Variants in RBMS3 observed in about 807,000 individuals in gnomAD.
RBMS3 encodes the protein RNA-binding motif, single-stranded-interacting protein 3.
In RBMS3, 27 loss-of-function variants were observed where a neutral mutation model predicts 66.8. The observed-to-expected ratio is 0.40, with a 90% CI of 0.30 to 0.56. The LOEUF is 0.56. Among genes scored for constraint, RBMS3 ranks in the 20% least tolerant of loss-of-function variants. The pLI, the probability that RBMS3 is intolerant of heterozygous loss-of-function variation, is 0.40. For missense variants in RBMS3, 513 were observed against 549.5 expected, an observed-to-expected ratio of 0.93 and a Z score of 0.66; for synonymous variants, 188 against 183.0, an observed-to-expected ratio of 1.03 and a Z score of -0.22.
chr3:29,368,480 G>A (rs1455833344), intron 1 of RBMS3, among the ~76,000 whole-genome samples: 1 of 151,564 alleles, frequency 6.6e-6, no homozygotes, highest in East Asian at 1.9e-4. Flanking sequence ...AATATTTGTT[G>A]AATGAATTCC....
chr3:29,875,537 A>G (rs1255107936), intron 7 of RBMS3, among the ~76,000 whole-genome samples: 1 of 151,982 alleles, frequency 6.6e-6, no homozygotes, highest in Non-Finnish European at 1.5e-5. Context: ...TTTAAATCCC[A>G]ATTTCACAGA....
chr3:29,659,332 G>T (rs1235641373), intron 4 of RBMS3, among the ~76,000 whole-genome samples: 1 of 151,872 alleles, frequency 6.6e-6, no homozygotes. Context: ...TATATCTAGA[G>T]CCCTTTTCGT....
In RBMS3 at chr3:29,423,091, T is replaced by C. The variant is rs138458545; in HGVS notation, c.76-11652T>C. Among the ~76,000 whole-genome samples the C allele has an allele frequency of 5.7e-3, 875 of 152,258 alleles. 2 individuals are homozygous for C. Among genetic ancestry groups the C allele is most frequent in the Non-Finnish European group, 8.7e-3 (595 of 68,018 alleles). ...TGCCTTGGTCCTGTTTGGACAGAAATAAAATTGGTAGCATGTGTGTTACAT... is the reference window on the plus strand; with the variant it reads ...TGCCTTGGTCCTGTTTGGACAGAAACAAAATTGGTAGCATGTGTGTTACAT... On this transcript the variant is annotated intron_variant, in intron 1 of 14. Transcript: ENST00000383767.
intron 13 of RBMS3, among the ~76,000 whole-genome samples, chr3:29,990,659 T>C (rs1698800002): frequency 6.6e-6 from 1 of 152,146 alleles, no homozygotes; most frequent in South Asian, 2.1e-4. Context: ...TGATGTATAT[T>C]TTTATTAAGG....
intron 1 of RBMS3, among the ~76,000 whole-genome samples, chr3:29,330,207 C>G (rs1479202306): frequency 6.6e-6 from 1 of 152,088 alleles, no homozygotes; most frequent in East Asian, 1.9e-4. Context: ...GAATATACCA[C>G]TGTGTGGGAT....
rs184120726 is a variant in RBMS3 at position 29,312,457 on chromosome 3, C to T, written c.75+30701C>T. Among the ~76,000 whole-genome samples the T allele has an allele frequency of 2.0e-5, 3 of 151,790 alleles. No individual in the cohort carries two copies. In the East Asian group the frequency reaches 5.8e-4, roughly 30 times the overall value. ...GGGAAGGCAAATTCATAATTCAGAA[C>T]TTGAGTTTACTGTCTTTTATAAATT... On this transcript the variant is annotated intron_variant, in intron 1 of 14. Coordinates refer to ENST00000383767, the MANE Select transcript of RBMS3 (RefSeq NM_001003793.3).
Position 29,346,396 on chromosome 3 carries a change from C to CTTTTT in RBMS3, c.75+64661_75+64665dup, listed in dbSNP as rs34803214. ...TGAATCCTAGTAAAGGCAATTCATT[C>CTTTTT]TTTTTTTTTTTTTTTTTTTTTTTTT... is the stretch of plus-strand genomic sequence containing the variant. On this transcript the variant is annotated intron_variant, in intron 1 of 14. Transcript: ENST00000383767. Among the ~76,000 whole-genome samples, 547 of 60,002 alleles carry CTTTTT rather than the reference C, an allele frequency of 9.1e-3. 6 individuals are homozygous for CTTTTT. Among genetic ancestry groups the CTTTTT allele is most frequent in the Non-Finnish European group, 9.9e-3 (338 of 34,002 alleles). The allele number at this position is 60,002 out of a possible 152,430, so 39.4% of individuals were successfully genotyped here.
chr3:29,519,692 A>G lies in RBMS3; in HGVS notation c.307+31193A>G, dbSNP rs1057324964. 2.0e-5 allele frequency among the ~76,000 whole-genome samples: 3 copies of G among 152,294 alleles called. No homozygotes were observed. The East Asian group carries it at 5.8e-4, about 29-fold the overall frequency. ...TCCTGTCAACTAGACCAATTAGGAT[A>G]ACATTAAGGGATAGATTTTACTATG... On this transcript the variant is annotated intron_variant, in intron 3 of 14. Coordinates refer to ENST00000383767, the MANE Select transcript of RBMS3 (RefSeq NM_001003793.3).
intron 1 of RBMS3, among the ~76,000 whole-genome samples, chr3:29,360,127 C>A (rs938336209): frequency 1.6e-4 from 24 of 151,944 alleles, no homozygotes; most frequent in Non-Finnish European, 2.8e-4. Context: ...TAGTTCTTTT[C>A]ATTGTGATGT....
In RBMS3 at chr3:29,948,512, C is replaced by T. The variant is rs540971222; in HGVS notation, c.1098+4258C>T. 2.0e-5 allele frequency among the ~76,000 whole-genome samples: 3 copies of T among 151,856 alleles called. No homozygotes were observed. The South Asian group carries it at 6.2e-4, about 31-fold the overall frequency. On this transcript the variant is annotated intron_variant, in intron 12 of 14. Transcript: ENST00000383767. ...GGAGAACAAGACCATCTTTCAAGCT[C>T]TAAGCAACATTTGTTTTCATAGATA... is the stretch of plus-strand genomic sequence containing the variant.
In RBMS3 at chr3:29,595,254, C is replaced by T. The variant is rs1158031053; in HGVS notation, c.399+8049C>T. On this transcript the variant is annotated intron_variant, in intron 4 of 14. Coordinates refer to ENST00000383767, the MANE Select transcript of RBMS3 (RefSeq NM_001003793.3). ...TCTACTAAAAATACAAAAAAATTAG[C>T]TGGGCGTGGTGGTGGGGACCTGTAA... Among the ~76,000 whole-genome samples the T allele has an allele frequency of 3.3e-5, 5 of 151,926 alleles. No homozygotes were observed. In the East Asian group the frequency reaches 9.7e-4, roughly 29 times the overall value.
chr3:29,289,207 T>C (rs767228632), intron 1 of RBMS3, among the ~76,000 whole-genome samples: 1 of 151,906 alleles, frequency 6.6e-6, no homozygotes, highest in Non-Finnish European at 1.5e-5. Flanking sequence ...CAATATATTA[T>C]AGTGGCCTCT....
At chr3:29,692,676 C>G (rs2052083625) in intron 4 of RBMS3, among the ~76,000 whole-genome samples, 1 of 152,148 alleles carries the variant, frequency 6.6e-6, no homozygotes. Context: ...CCTCATGATC[C>G]ATAGCGATTG....
At position 29,928,180 on chromosome 3, in the gene RBMS3, T is replaced by TTATGTATATATA. The variant is rs59335121; in HGVS notation, c.940-7903_940-7902insGTATATATATAT. On this transcript the variant is annotated intron_variant, in intron 10 of 14. Coordinates refer to ENST00000383767, the MANE Select transcript of RBMS3 (RefSeq NM_001003793.3). ...AAACTGGTCTGCTCCTCTTCAAATT[T>TTATGTATATATA]TATATATATATATATATATATATAT... Among the ~76,000 whole-genome samples, 172 of 102,540 alleles carry TTATGTATATATA rather than the reference T, an allele frequency of 1.7e-3. 2 individuals carry two copies. The highest frequency in any genetic ancestry group is 6.3e-3 in the African/African-American group (155 of 24,594). 67.3% of individuals were successfully genotyped at this position (102,540 alleles called of 152,430 possible). A position where few individuals can be genotyped will look rare whatever the true frequency, so the allele number is the denominator to read the frequency against.
intron 4 of RBMS3, among the ~76,000 whole-genome samples, chr3:29,702,867 C>T (rs780862738): frequency 2.6e-5 from 4 of 152,162 alleles, no homozygotes; most frequent in African/African-American, 4.8e-5. Flanking sequence ...TAACACTCAC[C>T]GCGAGGGTCC....
At chr3:29,540,100 T>G (rs2045703407) in intron 3 of RBMS3, among the ~76,000 whole-genome samples, 1 of 152,192 alleles carries the variant, frequency 6.6e-6, no homozygotes, top group African/African-American at 2.4e-5. Context: ...AACTATTTAA[T>G]GTCTAAGTTT....
intron 6 of RBMS3, among the ~76,000 whole-genome samples, chr3:29,789,042 C>T (rs1460985145): frequency 6.6e-6 from 1 of 152,124 alleles, no homozygotes; most frequent in Non-Finnish European, 1.5e-5. Context: ...CTTGAACTCT[C>T]TTGTTCATAT....
At chr3:29,843,675 C>T (rs981896039) in intron 6 of RBMS3, among the ~76,000 whole-genome samples, 1 of 152,116 alleles carries the variant, frequency 6.6e-6, no homozygotes, top group Non-Finnish European at 1.5e-5. Flanking sequence ...TTGCCTTCAG[C>T]TAGGAGCAGT....
At chr3:29,960,269 C>A (rs1272077092) in intron 12 of RBMS3, among the ~76,000 whole-genome samples, 1 of 152,226 alleles carries the variant, frequency 6.6e-6, no homozygotes, top group East Asian at 1.9e-4. Flanking sequence ...GCAGTCAAAT[C>A]TCAAAGCTCC....
Sources: gnomAD v4.1 joint callset for allele counts (sites outside exome capture counted in the v4.1 genomes callset) on GRCh38, gnomAD v4.1.1 for gene constraint, MANE v1.5 for transcripts, NCBI Gene and HGNC (gene_info 2026-07-23, HGNC 2026-07-21) for gene names.